Variants in COL4A2 observed in about 807,000 individuals in gnomAD.
COL4A2 encodes collagen type IV alpha 2 chain, also known as collagen alpha-2(IV) chain.
COL4A2 carries 99 observed loss-of-function variants against 200.2 expected under a neutral mutation model. That is an observed-to-expected ratio of 0.49 (90% CI 0.42 to 0.58). The LOEUF (loss-of-function observed/expected upper bound fraction) is 0.58. Ranked by LOEUF, COL4A2 falls within the 20% of genes least tolerant of loss-of-function variation. The pLI is 0.00. For missense variants in COL4A2, 1,950 were observed against 2,314.1 expected, an observed-to-expected ratio of 0.84 and a Z score of 3.23; for synonymous variants, 897 against 900.6, an observed-to-expected ratio of 1.00 and a Z score of 0.07.
At chr13:110,323,104 G>A (rs1282912187) in intron 3 of COL4A2, among the ~76,000 whole-genome samples, 1 of 152,228 alleles carries the variant, frequency 6.6e-6, no homozygotes, top group Admixed American at 6.5e-5. Flanking sequence ...ACAAAGATAG[G>A]GATCCACTGA....
At chr13:110,405,398 A>G (rs1041538540) in intron 4 of COL4A2, among the ~76,000 whole-genome samples, 2 of 152,140 alleles carry the variant, frequency 1.3e-5, no homozygotes, top group African/African-American at 4.8e-5. Flanking sequence ...TGTCCCAGGA[A>G]AGGCCCACTA....
intron 3 of COL4A2, among the ~76,000 whole-genome samples, chr13:110,309,153 A>G (rs190303236): frequency 1.3e-5 from 2 of 152,250 alleles, no homozygotes; most frequent in Non-Finnish European, 2.9e-5. Context: ...GCCCTGATGT[A>G]AAACAAACCA....
At chr13:110,379,203 G>T (rs1878362646) in intron 4 of COL4A2, among the ~76,000 whole-genome samples, 1 of 152,176 alleles carries the variant, frequency 6.6e-6, no homozygotes, top group Admixed American at 6.5e-5. Flanking sequence ...ATCTGGTGGG[G>T]CACAGGGACG....
intron 5 of COL4A2, 42 bp downstream of exon 5, chr13:110,424,910 C>T (rs558384236): frequency 9.9e-6 from 16 of 1,614,010 alleles, no homozygotes; most frequent in African/African-American, 4.0e-5. Flanking sequence ...ATGAGGGTGG[C>T]GGGTATCTCA....
intron 4 of COL4A2, among the ~76,000 whole-genome samples, chr13:110,381,720 A>G (rs1437193840): frequency 6.6e-6 from 1 of 152,170 alleles, no homozygotes; most frequent in African/African-American, 2.4e-5. Flanking sequence ...TCTGGGATTG[A>G]ATCTGCCTCA....
In COL4A2 at chr13:110,345,750, G is replaced by A. The variant is rs374615591; in HGVS notation, c.100-11722G>A. Among the ~76,000 whole-genome samples the A allele has an allele frequency of 2.0e-4, 30 of 152,286 alleles. 1 individual carries two copies. Among genetic ancestry groups the A allele is most frequent in the East Asian group, 1.9e-3 (10 of 5,188 alleles). ...TGGAGAAGGACAGGGGGCAAGGGAA[G>A]GTGGTTTCTGGCAATTGGTCCACTG... On this transcript the variant is annotated intron_variant, in intron 3 of 47. Coordinates refer to ENST00000360467, the MANE Select transcript of COL4A2 (RefSeq NM_001846.4).
At chr13:110,438,700 G>T (rs768281086) in intron 15 of COL4A2, 32 bp downstream of exon 15, 48 of 1,613,880 alleles carry the variant, frequency 3.0e-5, no homozygotes, top group Non-Finnish European at 3.8e-5. Context: ...TGCAGTTGTC[G>T]GTTTGGTTTG....
At chr13:110,420,387 A>G (rs1880201947) in intron 4 of COL4A2, among the ~76,000 whole-genome samples, 1 of 152,216 alleles carries the variant, frequency 6.6e-6, no homozygotes, top group Non-Finnish European at 1.5e-5. Flanking sequence ...CTTAGGAAAT[A>G]GTACCTCTAC....
Position 110,429,785 on chromosome 13 carries a change from A to G in COL4A2, c.478-100A>G, listed in dbSNP as rs181783954. The G allele has an allele frequency of 5.0e-6, 6 of 1,207,346 alleles. No individual in the cohort carries two copies. In the East Asian group the frequency reaches 1.5e-4, roughly 30 times the overall value. The allele number at this position is 1,207,346 out of a possible 1,614,324, so 74.8% of individuals were successfully genotyped here. ...CCATAAGAACAATTAGACCTTGCCC[A>G]CAAAAGTCAATGTTCAGTCATCCAC... On this transcript the variant is annotated intron_variant, in intron 7 of 47. Transcript: ENST00000360467.
intron 10 of COL4A2, 29 bp downstream of exon 10, chr13:110,430,636 TG>T: frequency 6.2e-7 from 1 of 1,614,084 alleles, no homozygotes; most frequent in South Asian, 1.1e-5. Flanking sequence ...GTGCCCACTC[TG>T]GGACCATCGT....
At chr13:110,333,717 C>T (rs1206469259) in intron 3 of COL4A2, among the ~76,000 whole-genome samples, 7 of 152,178 alleles carry the variant, frequency 4.6e-5, no homozygotes, top group African/African-American at 1.4e-4. Context: ...ACTGCCTCTG[C>T]GAGTCTGAAC....
chr13:110,503,205 C>G lies in COL4A2; in HGVS notation c.3962C>G (p.Thr1321Ser). The change falls in exon 42 of 48, where the codon ACC (threonine) becomes AGC (serine). Residue 1321 changes from threonine (T) to serine (S), a missense_variant. This residue lies in a region of COL4A2 where 1,385 missense variants were observed against 1,720.5 expected (regional missense o/e 0.80). Coordinates refer to ENST00000360467, the MANE Select transcript of COL4A2 (RefSeq NM_001846.4). ...GDTGNPGAPG[T>S]PGTKGWAGDS... ...ACAGGGAACCCAGGAGCTCCAGGAA[C>G]CCCAGGGACCAAAGGATGGGCCGGG... 6.2e-7 allele frequency: 1 copy of G among 1,613,982 alleles called. No homozygotes were observed. The highest frequency in any genetic ancestry group is 8.5e-7 in the Non-Finnish European group (1 of 1,179,980).
chr13:110,504,144 G>T lies in COL4A2; in HGVS notation c.4286-4G>T. The T allele has an allele frequency of 1.2e-6, 2 of 1,613,738 alleles. No individual in the cohort carries two copies. Among genetic ancestry groups the T allele is most frequent in the Non-Finnish European group, 1.7e-6 (2 of 1,179,646 alleles). ...AGCCATAACGCTTCTTTGGTGGCTT[G>T]CAGGTTTCCGTGGGGCTCCAGGGAA... On this transcript the variant is annotated splice_polypyrimidine_tract_variant and splice_region_variant and intron_variant, in intron 44 of 47. Transcript: ENST00000360467.
At chr13:110,347,343 G>A (rs188693670) in intron 3 of COL4A2, among the ~76,000 whole-genome samples, 134 of 152,350 alleles carry the variant, frequency 8.8e-4, no homozygotes, top group Non-Finnish European at 1.7e-3. Context: ...AAGGCTCGGG[G>A]GGCTGAGTTA....
intron 4 of COL4A2, among the ~76,000 whole-genome samples, chr13:110,405,809 G>C (rs1173657483): frequency 6.6e-6 from 1 of 152,202 alleles, no homozygotes; most frequent in Admixed American, 6.5e-5. Context: ...AGGTGGCCTT[G>C]GTTTTAATGC....
At chr13:110,339,939 T>G (rs1876373566) in intron 3 of COL4A2, among the ~76,000 whole-genome samples, 1 of 152,178 alleles carries the variant, frequency 6.6e-6, no homozygotes, top group South Asian at 2.1e-4. Flanking sequence ...TATAGAACAG[T>G]AACACTGTTT....
intron 13 of COL4A2, among the ~76,000 whole-genome samples, chr13:110,436,991 G>A (rs4505178): frequency 0.28 from 42,383 of 152,060 alleles, 6,322 homozygotes; most frequent in Middle Eastern, 0.45. Context: ...TGGAGCTGAC[G>A]AGGAGGTTGC....
chr13:110,484,825 C>A, intron 32 of COL4A2, 80 bp from the exon 33 acceptor site: 1 of 1,481,730 alleles, frequency 6.7e-7, no homozygotes, highest in Non-Finnish European at 9.0e-7. Context: ...AGCCCTATGG[C>A]TCAGGGACCA....
intron 4 of COL4A2, among the ~76,000 whole-genome samples, chr13:110,410,937 A>C (rs963108039): frequency 6.6e-6 from 1 of 152,176 alleles, no homozygotes; most frequent in African/African-American, 2.4e-5. Flanking sequence ...TTAACTGATC[A>C]GTGTTAAATC....
Sources: allele counts gnomAD v4.1 joint callset (sites outside exome capture counted in the v4.1 genomes callset), GRCh38; gene constraint gnomAD v4.1.1; regional missense constraint gnomAD v4.1.1; transcripts MANE v1.5; gene names NCBI Gene and HGNC (gene_info 2026-07-23, HGNC 2026-07-21).